Variants in FSTL4 observed in about 807,000 individuals in gnomAD.
FSTL4 encodes the protein follistatin like 4.
In FSTL4, 28 loss-of-function variants were observed where a neutral mutation model predicts 78.2. The observed-to-expected ratio is 0.36, with a 90% CI of 0.27 to 0.49. The LOEUF is 0.49. Among genes scored for constraint, FSTL4 ranks in the 20% least tolerant of loss-of-function variants. The pLI is 0.98. For synonymous variants in FSTL4, 422 were observed against 440.5 expected (o/e 0.96, Z 0.53); for missense variants, 922 against 1,084.9 (o/e 0.85, Z 2.11).
chr5:133,454,262 A>G (rs1489877960), intron 3 of FSTL4, among the ~76,000 whole-genome samples: 1 of 152,268 alleles, frequency 6.6e-6, no homozygotes, highest in East Asian at 1.9e-4. Context: ...CATGTATTGT[A>G]AAAACAAAGG....
At chr5:133,223,464 C>A (rs1451280207) in intron 11 of FSTL4, among the ~76,000 whole-genome samples, 1 of 152,128 alleles carries the variant, frequency 6.6e-6, no homozygotes, top group Non-Finnish European at 1.5e-5. Flanking sequence ...CTGCTGCTGC[C>A]CACTGAGCTG....
intron 6 of FSTL4, chr5:133,275,880 C>T (rs979963813): frequency 2.6e-5 from 4 of 152,216 alleles, no homozygotes; most frequent in Admixed American, 6.5e-5. Flanking sequence ...TGGAGAACAA[C>T]AGCAGCCTGC....
the FSTL4 span, among the ~76,000 whole-genome samples, chr5:133,825,507 A>C: frequency 6.6e-6 from 1 of 152,380 alleles, no homozygotes. Flanking sequence ...CTATTGAAGA[A>C]ATTGAACTGA....
chr5:133,810,379 T>C, the FSTL4 span, among the ~76,000 whole-genome samples: 2 of 152,208 alleles, frequency 1.3e-5, no homozygotes, highest in Admixed American at 1.3e-4. Context: ...GCCTTTCCCA[T>C]TGCCTCATGC....
chr5:133,240,234 C>T (rs541048562), intron 7 of FSTL4, among the ~76,000 whole-genome samples: 3 of 152,268 alleles, frequency 2.0e-5, no homozygotes, highest in Middle Eastern at 3.4e-3. Flanking sequence ...CTGTGACACT[C>T]ACTGCGAGGG....
At chr5:133,796,546 T>C in the FSTL4 span, among the ~76,000 whole-genome samples, 1 of 152,148 alleles carries the variant, frequency 6.6e-6, no homozygotes. Flanking sequence ...AATGGGAAGA[T>C]GATCTTCCCC....
At chr5:133,814,626 A>G in the FSTL4 span, among the ~76,000 whole-genome samples, 2 of 152,210 alleles carry the variant, frequency 1.3e-5, no homozygotes, top group African/African-American at 4.8e-5. Context: ...TCACAAAAAA[A>G]TAAGGGCCAG....
At chr5:133,530,577 A>G (rs191358042) in intron 3 of FSTL4, among the ~76,000 whole-genome samples, 92 of 152,352 alleles carry the variant, frequency 6.0e-4, no homozygotes, top group African/African-American at 2.1e-3. Flanking sequence ...GAGGAAGAAG[A>G]TAAGACACAG....
chr5:133,517,976 C>T (rs954816348), intron 3 of FSTL4, among the ~76,000 whole-genome samples: 4 of 152,128 alleles, frequency 2.6e-5, no homozygotes, highest in Admixed American at 6.5e-5. Context: ...GTAATTTAAA[C>T]GTCAATCTCA....
chr5:133,415,286 C>A (rs989367338), intron 3 of FSTL4, among the ~76,000 whole-genome samples: 1 of 152,132 alleles, frequency 6.6e-6, no homozygotes, highest in Non-Finnish European at 1.5e-5. Flanking sequence ...TGGTAGCATC[C>A]GAAAGTGAAG....
intron 3 of FSTL4, among the ~76,000 whole-genome samples, chr5:133,565,942 A>G (rs551796972): frequency 6.6e-6 from 1 of 152,304 alleles, no homozygotes; most frequent in Non-Finnish European, 1.5e-5. Flanking sequence ...TCCAACTTAC[A>G]TGGTCACAGT....
At chr5:133,680,575 G>A in the FSTL4 span, among the ~76,000 whole-genome samples, 2 of 152,166 alleles carry the variant, frequency 1.3e-5, no homozygotes, top group Non-Finnish European at 2.9e-5. Flanking sequence ...ATCTCATAGA[G>A]GACAAGAAAC....
At chr5:133,333,578 C>A (rs1288898591) in intron 4 of FSTL4, among the ~76,000 whole-genome samples, 1 of 152,208 alleles carries the variant, frequency 6.6e-6, no homozygotes, top group Admixed American at 6.5e-5. Context: ...GCTCAGAAAT[C>A]CAGACGTCTG....
At chr5:133,710,974 G>C in the FSTL4 span, among the ~76,000 whole-genome samples, 1 of 152,188 alleles carries the variant, frequency 6.6e-6, no homozygotes, top group Admixed American at 6.5e-5. Flanking sequence ...CAACTGAACA[G>C]GGGAAACCTC....
chr5:133,332,147 C>G (rs1228169309), intron 4 of FSTL4, among the ~76,000 whole-genome samples: 1 of 152,178 alleles, frequency 6.6e-6, no homozygotes, highest in Non-Finnish European at 1.5e-5. Context: ...AGAAAGCCCT[C>G]CTCTTCCAGC....
At chr5:133,830,527 G>A in the FSTL4 span, among the ~76,000 whole-genome samples, 1 of 152,226 alleles carries the variant, frequency 6.6e-6, no homozygotes. Flanking sequence ...AGCCAGGGAA[G>A]GGACACAGAA....
intron 3 of FSTL4, among the ~76,000 whole-genome samples, chr5:133,544,297 T>C (rs879825332): frequency 6.6e-6 from 1 of 152,184 alleles, no homozygotes; most frequent in Non-Finnish European, 1.5e-5. Context: ...TTGCCACAAA[T>C]GAAGGTGTGT....
At chr5:133,313,011 AG>A (rs1382898520) in intron 5 of FSTL4, among the ~76,000 whole-genome samples, 2 of 152,200 alleles carry the variant, frequency 1.3e-5, no homozygotes, top group Non-Finnish European at 2.9e-5. Context: ...GGCAGACTCT[AG>A]ACTAGAGCTC....
chr5:133,709,788 C>A, the FSTL4 span, among the ~76,000 whole-genome samples: 1 of 152,218 alleles, frequency 6.6e-6, no homozygotes, highest in South Asian at 2.1e-4. Flanking sequence ...ATGCTCATGT[C>A]CCCAGCCAGT....
Sources: allele counts gnomAD v4.1 joint callset (sites outside exome capture counted in the v4.1 genomes callset), GRCh38; gene constraint gnomAD v4.1.1; transcripts MANE v1.5; gene names NCBI Gene and HGNC (gene_info 2026-07-23, HGNC 2026-07-21).